The following STARD9 variants were observed in gnomAD, a reference collection of about 807,000 sequenced individuals.
The protein encoded by STARD9 is stAR-related lipid transfer protein 9.
A neutral mutation model predicts 399.8 loss-of-function variants in STARD9; 346 were observed. The ratio of observed to expected loss-of-function variants is 0.87; its 90% CI spans 0.79 to 0.95. The LOEUF (loss-of-function observed/expected upper bound fraction) is 0.95. Among genes scored for constraint, STARD9 ranks in the 40% least tolerant of loss-of-function variants. STARD9 has a pLI of 0.00. For missense variants in STARD9, 5,832 were observed against 5,667.5 expected, an observed-to-expected ratio of 1.03 and a Z score of -0.93; for synonymous variants, 2,203 against 2,143.5, an observed-to-expected ratio of 1.03 and a Z score of -0.77.
chr15:42,679,605 C>A (rs1049299504), intron 20 of STARD9, among the ~76,000 whole-genome samples: 2 of 152,274 alleles, frequency 1.3e-5, no homozygotes, highest in South Asian at 4.1e-4. Context: ...CCAAAGGCTG[C>A]GTTATGAAAT....
chr15:42,660,179 C>T (rs1347416184), intron 9 of STARD9, among the ~76,000 whole-genome samples: 2 of 152,162 alleles, frequency 1.3e-5, no homozygotes, highest in Non-Finnish European at 2.9e-5. Flanking sequence ...TTGCTTCAAG[C>T]TGGGGATGGG....
Position 42,622,712 on chromosome 15 carries a change from A to G in STARD9, c.235-12144A>G, listed in dbSNP as rs145276351. On this transcript the variant is annotated intron_variant, in intron 3 of 32. Coordinates refer to ENST00000290607, the MANE Select transcript of STARD9 (RefSeq NM_020759.3). ...TTCCAAGGTTGACAGTGAGGTATTA[A>G]GAGATGACAAATGGAAGTACAAAGA... is the stretch of plus-strand genomic sequence containing the variant. Among the ~76,000 whole-genome samples the G allele has an allele frequency of 4.0e-3, 606 of 152,320 alleles. 4 individuals are homozygous for G. Among genetic ancestry groups the G allele is most frequent in the African/African-American group, 0.014 (577 of 41,568 alleles).
intron 3 of STARD9, among the ~76,000 whole-genome samples, chr15:42,632,316 A>G (rs748067149): frequency 1.3e-5 from 2 of 151,916 alleles, no homozygotes; most frequent in Non-Finnish European, 2.9e-5. Flanking sequence ...TTTTCAGTGT[A>G]TATGTGTCTT....
In STARD9 at chr15:42,719,697, C is replaced by A; in HGVS notation, c.*123C>A. 1 of 667,624 alleles carries A rather than the reference C, an allele frequency of 1.5e-6. No individual in the cohort carries two copies. 41.4% of individuals were successfully genotyped at this position (667,624 alleles called of 1,614,324 possible). A position where few individuals can be genotyped will look rare whatever the true frequency, so the allele number is the denominator to read the frequency against. Reference sequence around the variant, plus strand: ...GAAAAGCTGATGCTACCTGCTGTGGCCGATTGGGGCAGACAGCACTGGCCC... The same window carrying A: ...GAAAAGCTGATGCTACCTGCTGTGGACGATTGGGGCAGACAGCACTGGCCC... On this transcript the variant is annotated 3_prime_UTR_variant, in exon 33 of 33. Coordinates refer to ENST00000290607, the MANE Select transcript of STARD9 (RefSeq NM_020759.3).
chr15:42,591,259 G>A (rs556324030), intron 3 of STARD9, among the ~76,000 whole-genome samples: 36 of 152,292 alleles, frequency 2.4e-4, no homozygotes, highest in African/African-American at 7.9e-4. Flanking sequence ...AGGCCAAGGC[G>A]GGTGGATCAC....
chr15:42,601,393 G>A (rs867600706), intron 3 of STARD9, among the ~76,000 whole-genome samples: 8 of 151,966 alleles, frequency 5.3e-5, no homozygotes, highest in Admixed American at 1.3e-4. Flanking sequence ...ACCTCCCGAC[G>A]GGGTGGCGGC....
chr15:42,618,823 C>T (rs1185250365), intron 3 of STARD9, among the ~76,000 whole-genome samples: 4 of 151,392 alleles, frequency 2.6e-5, no homozygotes, highest in South Asian at 2.1e-4. Context: ...CCACCTGCCT[C>T]GGCCTTTCAA....
chr15:42,683,766 G>A (rs1411724972), intron 22 of STARD9, among the ~76,000 whole-genome samples: 2 of 152,030 alleles, frequency 1.3e-5, no homozygotes, highest in East Asian at 3.9e-4. Flanking sequence ...GATAATTATA[G>A]TTCTGTAGAA....
intron 7 of STARD9, among the ~76,000 whole-genome samples, chr15:42,641,700 G>T (rs113245184): frequency 6.6e-6 from 1 of 151,898 alleles, no homozygotes. Context: ...CACCTCCCAG[G>T]TTCAAGCGAT....
intron 3 of STARD9, among the ~76,000 whole-genome samples, chr15:42,604,843 A>G (rs1384403877): frequency 6.6e-6 from 1 of 151,730 alleles, no homozygotes; most frequent in Non-Finnish European, 1.5e-5. Context: ...AGGTCTCACT[A>G]TGTTGCTCAG....
In STARD9 at chr15:42,691,460, C is replaced by T. The variant is rs2060698499; in HGVS notation, c.9882C>T (p.Gly3294=). The T allele has an allele frequency of 6.5e-7, 1 of 1,537,176 alleles. No homozygotes were observed. Among genetic ancestry groups the T allele is most frequent in the East Asian group, 2.4e-5 (1 of 40,914 alleles). The change falls in exon 23 of 33, where the codon GGC becomes GGT. Residue 3294 remains glycine, a synonymous_variant. Coordinates refer to ENST00000290607, the MANE Select transcript of STARD9 (RefSeq NM_020759.3). ...AAQRSGHLYT[G]REQPAPNHRG... is the part of the protein sequence containing the mutation. ...AGAGGAGTGGCCACCTCTACACTGGCAGAGAGCAGCCAGCACCCAACCACA... is the reference window on the plus strand; with the variant it reads ...AGAGGAGTGGCCACCTCTACACTGGTAGAGAGCAGCCAGCACCCAACCACA...
In STARD9 at chr15:42,645,846, C is replaced by T. The variant is rs117143870; in HGVS notation, c.560-5170C>T. Among the ~76,000 whole-genome samples the T allele has an allele frequency of 3.1e-3, 476 of 152,054 alleles. 4 individuals carry two copies. The highest frequency in any genetic ancestry group is 6.8e-3 in the Middle Eastern group (2 of 294). ...TGTGAGTCACCGCGCCCAGCCTGGC[C>T]TTAGGATTTTCAGAGTGATAATGGC... On this transcript the variant is annotated intron_variant, in intron 7 of 32. Transcript: ENST00000290607.
intron 3 of STARD9, among the ~76,000 whole-genome samples, chr15:42,634,017 T>C (rs927532129): frequency 1.3e-5 from 2 of 151,960 alleles, no homozygotes; most frequent in African/African-American, 4.8e-5. Flanking sequence ...GCTTCTATAG[T>C]AGAGCATTGA....
chr15:42,708,876 AG>A (rs1248109187), intron 26 of STARD9, among the ~76,000 whole-genome samples: 20 of 152,266 alleles, frequency 1.3e-4, no homozygotes, highest in Non-Finnish European at 2.4e-4. Context: ...GCCCTTCTGA[AG>A]GTTGACAGAT....
intron 3 of STARD9, among the ~76,000 whole-genome samples, chr15:42,621,125 A>G (rs2059084154): frequency 6.6e-6 from 1 of 152,186 alleles, no homozygotes; most frequent in Admixed American, 6.6e-5. Context: ...TGATACCAGT[A>G]TCACTGAATT....
At chr15:42,625,285 C>G (rs576584647) in intron 3 of STARD9, among the ~76,000 whole-genome samples, 19 of 152,096 alleles carry the variant, frequency 1.2e-4, no homozygotes, top group South Asian at 1.0e-3. Flanking sequence ...CCTCAGCCCC[C>G]CAAAGTGCTG....
chr15:42,711,117 A>C (rs1595823342), intron 26 of STARD9, among the ~76,000 whole-genome samples: 1 of 146,854 alleles, frequency 6.8e-6, no homozygotes, highest in South Asian at 2.2e-4. Context: ...TGCTGAAATT[A>C]CCATCGTAAG....
At chr15:42,649,305 G>A (rs1226374492) in intron 7 of STARD9, among the ~76,000 whole-genome samples, 1 of 152,108 alleles carries the variant, frequency 6.6e-6, no homozygotes, top group African/African-American at 2.4e-5. Context: ...TGGGATTACA[G>A]GCGTGAGCCA....
intron 3 of STARD9, 86 bp from the exon 4 acceptor site, chr15:42,634,770 T>G (rs933833474): frequency 1.6e-6 from 1 of 638,050 alleles, no homozygotes; most frequent in Admixed American, 3.1e-5. Flanking sequence ...TGAAATATTT[T>G]ATATTTTTTT....
Sources: gnomAD v4.1 joint callset for allele counts (sites outside exome capture counted in the v4.1 genomes callset) on GRCh38, gnomAD v4.1.1 for gene constraint, MANE v1.5 for transcripts, NCBI Gene and HGNC (gene_info 2026-07-23, HGNC 2026-07-21) for gene names.